The following PVT1 variants were observed in gnomAD, a reference collection of about 807,000 sequenced individuals.
PVT1 encodes the protein Pvt1 oncogene.
In PVT1 at chr8:127,874,170, A is replaced by G. The variant is rs73355296; in HGVS notation, n.373-16419A>G. ...TCTGCATCTTGGGGTGCAGTGCTAGAGTGAATGACACAGTAGAGGTGACAG... is the reference window on the plus strand; with the variant it reads ...TCTGCATCTTGGGGTGCAGTGCTAGGGTGAATGACACAGTAGAGGTGACAG... On this transcript the variant is annotated intron_variant and non_coding_transcript_variant, in intron 2 of 10. Transcript: ENST00000651587. Among the ~76,000 whole-genome samples, 886 of 152,260 alleles carry G rather than the reference A, an allele frequency of 5.8e-3. 12 individuals carry two copies. Among genetic ancestry groups the G allele is most frequent in the African/African-American group, 0.02 (840 of 41,544 alleles).
At position 127,985,031 on chromosome 8, in the gene PVT1, TTCCTTTCC is replaced by T. The variant is rs1180646292; in HGVS notation, n.783-4129_783-4122del. Among the ~76,000 whole-genome samples, 40 of 144,588 alleles carry T rather than the reference TTCCTTTCC, an allele frequency of 2.8e-4. 1 individual carries two copies. The highest frequency in any genetic ancestry group is 9.2e-4 in the African/African-American group (35 of 38,090). 94.9% of individuals were successfully genotyped at this position (144,588 alleles called of 152,430 possible). A position where few individuals can be genotyped will look rare whatever the true frequency, so the allele number is the denominator to read the frequency against. On this transcript the variant is annotated intron_variant and non_coding_transcript_variant, in intron 3 of 10. Transcript: ENST00000651587. Reference sequence around the variant, plus strand: ...CTTCCTTCCTTCCTTCCTTCCTTCCTTCCTTTCCTTCTTTTTTTTTTTGACAGATTCTC... The same window carrying T: ...CTTCCTTCCTTCCTTCCTTCCTTCCTTTCTTTTTTTTTTTGACAGATTCTC...
intron 3 of PVT1, among the ~76,000 whole-genome samples, chr8:127,912,804 C>A (rs1257588486): frequency 6.6e-6 from 1 of 151,850 alleles, no homozygotes; most frequent in Non-Finnish European, 1.5e-5. Flanking sequence ...TCAAGCAATT[C>A]TTCTGCCTCA....
chr8:127,910,230 TG>T (rs1815878052), intron 3 of PVT1, among the ~76,000 whole-genome samples: 1 of 151,964 alleles, frequency 6.6e-6, no homozygotes, highest in African/African-American at 2.4e-5. Context: ...GTGGGAAGAT[TG>T]GGGAGATGGA....
At chr8:127,956,380 C>T (rs530776182) in intron 3 of PVT1, among the ~76,000 whole-genome samples, 1 of 152,346 alleles carries the variant, frequency 6.6e-6, no homozygotes, top group Admixed American at 6.5e-5. Context: ...TGTGTAGGGA[C>T]AGATAGGGAG....
chr8:127,798,709 A>AAC (rs1399245948), intron 2 of PVT1, among the ~76,000 whole-genome samples: 1 of 108,802 alleles, frequency 9.2e-6, no homozygotes, highest in Non-Finnish European at 2.4e-5. Context: ...AAATACAAAA[A>AAC]AAAAAAAAAA....
chr8:127,855,038 T>A (rs1248013697), intron 2 of PVT1: 1 of 396,206 alleles, frequency 2.5e-6, no homozygotes, highest in Non-Finnish European at 4.4e-6. Context: ...TGTCTGGGAT[T>A]TGACCCCAGA....
intron 4 of PVT1, among the ~76,000 whole-genome samples, chr8:127,991,401 C>T (rs578176561): frequency 1.3e-5 from 2 of 152,170 alleles, no homozygotes; most frequent in South Asian, 2.1e-4. Flanking sequence ...GCCTTGGCCT[C>T]GTAGCTCTTT....
At chr8:128,068,442 C>A (rs963351471) in intron 4 of PVT1, among the ~76,000 whole-genome samples, 2 of 152,132 alleles carry the variant, frequency 1.3e-5, no homozygotes, top group African/African-American at 4.8e-5. Context: ...GAAAATCAGA[C>A]AACGGTAATG....
intron 3 of PVT1, among the ~76,000 whole-genome samples, chr8:127,974,277 T>G (rs1208599464): frequency 6.6e-6 from 1 of 152,218 alleles, no homozygotes; most frequent in East Asian, 1.9e-4. Context: ...TTCTTTGACT[T>G]GATGCTCAAA....
chr8:127,967,109 A>G (rs1228246921), intron 3 of PVT1, among the ~76,000 whole-genome samples: 1 of 152,132 alleles, frequency 6.6e-6, no homozygotes, highest in African/African-American at 2.4e-5. Flanking sequence ...TTGTTTCTGG[A>G]GGCTCATGGG....
intron 3 of PVT1, among the ~76,000 whole-genome samples, chr8:127,909,514 A>G (rs146407415): frequency 5.9e-5 from 9 of 152,300 alleles, no homozygotes; most frequent in Non-Finnish European, 8.8e-5. Context: ...CGCTTGCTTC[A>G]GGGGATTGTT....
At chr8:127,811,289 T>C (rs1476642232) in intron 2 of PVT1, among the ~76,000 whole-genome samples, 1 of 152,134 alleles carries the variant, frequency 6.6e-6, no homozygotes. Context: ...TTTTTAAATG[T>C]TTTCAGTTAA....
intron 3 of PVT1, among the ~76,000 whole-genome samples, chr8:127,906,572 A>G (rs1305873987): frequency 6.6e-6 from 1 of 152,140 alleles, no homozygotes; most frequent in Non-Finnish European, 1.5e-5. Context: ...TAAAGGACAC[A>G]TCTGATGTCC....
chr8:127,945,536 C>T (rs2129915470), intron 3 of PVT1, among the ~76,000 whole-genome samples: 1 of 152,312 alleles, frequency 6.6e-6, no homozygotes, highest in East Asian at 1.9e-4. Context: ...GAGCAGCCTG[C>T]CCTCAACTGC....
intron 5 of PVT1, among the ~76,000 whole-genome samples, chr8:128,088,861 C>T (rs553446616): frequency 1.3e-5 from 2 of 152,302 alleles, no homozygotes; most frequent in African/African-American, 4.8e-5. Context: ...CCAGCGGTTT[C>T]GGGAGAGAAT....
intron 4 of PVT1, among the ~76,000 whole-genome samples, chr8:128,000,755 A>C (rs1386487159): frequency 5.3e-5 from 8 of 152,098 alleles, no homozygotes; most frequent in Admixed American, 4.6e-4. Flanking sequence ...GTTGTTGTTT[A>C]TTCCATACTT....
intron 3 of PVT1, among the ~76,000 whole-genome samples, chr8:127,957,834 G>A (rs536173917): frequency 3.9e-5 from 6 of 152,250 alleles, no homozygotes; most frequent in Non-Finnish European, 8.8e-5. Flanking sequence ...ACAGGCATGC[G>A]CATGGCGGGG....
At chr8:127,816,379 C>T (rs1814659495) in intron 2 of PVT1, among the ~76,000 whole-genome samples, 1 of 151,834 alleles carries the variant, frequency 6.6e-6, no homozygotes, top group Non-Finnish European at 1.5e-5. Context: ...AACTCCTGGG[C>T]TCGAGAGATC....
intron 2 of PVT1, among the ~76,000 whole-genome samples, chr8:127,827,826 C>A (rs1465879600): frequency 6.6e-6 from 1 of 152,100 alleles, no homozygotes; most frequent in East Asian, 1.9e-4. Flanking sequence ...AGCCTGAAGT[C>A]CTCCTCTGTC....
Sources: allele counts gnomAD v4.1 joint callset (sites outside exome capture counted in the v4.1 genomes callset), GRCh38; gene constraint gnomAD v4.1.1; transcripts MANE v1.5; gene names NCBI Gene and HGNC (gene_info 2026-07-23, HGNC 2026-07-21).